Variants in ANAPC5 observed in about 807,000 individuals in gnomAD.
The protein encoded by ANAPC5 is anaphase-promoting complex subunit 5.
ANAPC5 carries 60 observed loss-of-function variants against 91.3 expected under a neutral mutation model. That is an observed-to-expected ratio of 0.66 (90% CI 0.53 to 0.81). The LOEUF is 0.81. Ranked by LOEUF, ANAPC5 falls within the 40% of genes least tolerant of loss-of-function variation. The probability of loss-of-function intolerance (pLI) is 0.00; values close to 1 mark genes in which losing one functional copy is unlikely to be tolerated. For synonymous variants in ANAPC5, 340 were observed against 364.1 expected (o/e 0.93, Z 0.75); for missense variants, 690 against 931.5 (o/e 0.74, Z 3.37).
chr12:121,345,715 C>T, intron 4 of ANAPC5, 124 bp downstream of exon 4: 1 of 1,020,546 alleles, frequency 9.8e-7, no homozygotes, highest in Non-Finnish European at 1.5e-6. Flanking sequence ...CAGTTAACTT[C>T]CCAGATCTGG....
At chr12:121,324,844 C>T (rs771626968) in intron 11 of ANAPC5, among the ~76,000 whole-genome samples, 9 of 152,062 alleles carry the variant, frequency 5.9e-5, no homozygotes, top group Non-Finnish European at 8.8e-5. Context: ...ATTGTGCCAC[C>T]GCACTCCATC....
intron 5 of ANAPC5, 113 bp from the exon 6 acceptor site, chr12:121,337,505 T>A: frequency 1.3e-6 from 1 of 752,794 alleles, no homozygotes; most frequent in Non-Finnish European, 2.1e-6. Context: ...CCCTTCAGGC[T>A]CTGGCCCCTC....
Position 121,308,369 on chromosome 12 carries a change from T to C in ANAPC5, c.*111A>G, listed in dbSNP as rs1373210034. 1.1e-5 allele frequency: 9 copies of C among 804,380 alleles called. No individual in the cohort carries two copies. The highest frequency in any genetic ancestry group is 1.7e-5 in the African/African-American group (1 of 58,048). The allele number at this position is 804,380 out of a possible 1,614,324, so 49.8% of individuals were successfully genotyped here. On this transcript the variant is annotated 3_prime_UTR_variant, in exon 17 of 17. Coordinates refer to ENST00000261819, the MANE Select transcript of ANAPC5 (RefSeq NM_016237.5). ...AAATAAGACAAACTAATCAGAATGC[T>C]GTTTATTGACAAGATAGGGTGTCAC...
Position 121,309,539 on chromosome 12 carries a change from AT to A in ANAPC5, c.2056+161del, listed in dbSNP as rs564832955. ...TCCTCAATCTTTCTGCCAAGCATGC[AT>A]GTGAAAGCACTTTAAATGCTGCATG... On this transcript the variant is annotated intron_variant, in intron 16 of 16. Transcript: ENST00000261819. Among the ~76,000 whole-genome samples, 81 of 152,334 alleles carry A rather than the reference AT, an allele frequency of 5.3e-4. 1 individual carries two copies. The South Asian group carries it at 5.4e-3, about 10-fold the overall frequency.
chr12:121,332,550 T>G (rs368193512), intron 7 of ANAPC5: 2 of 149,892 alleles, frequency 1.3e-5, no homozygotes, highest in Admixed American at 6.9e-5. Flanking sequence ...TTATTCCCTA[T>G]TTCCCCTGAT....
In ANAPC5 at chr12:121,327,099, C is replaced by G. The variant is rs1555272338; in HGVS notation, c.1437G>C (p.Glu479Asp). 1.1e-5 allele frequency: 18 copies of G among 1,598,210 alleles called. No homozygotes were observed. The highest frequency in any genetic ancestry group is 2.7e-5 in the African/African-American group (2 of 74,548). ...GTGGGCCCGGCCACCTGCCTACCTGCTCCGCGTGTAGCTCTGCGAGGTGGC... is the reference window on the plus strand; with the variant it reads ...GTGGGCCCGGCCACCTGCCTACCTGGTCCGCGTGTAGCTCTGCGAGGTGGC... ...ALCHLAELHAEQGCFAAASEV... is the reference protein window; with the variant it reads ...ALCHLAELHADQGCFAAASEV... Residue 479 changes from glutamate (E) to aspartate (D), a missense_variant, in exon 11 of 17, where the codon GAG (glutamate) becomes GAC (aspartate). By Grantham distance (45) the Glu-to-Asp change is conservative. Transcript: ENST00000261819.
chr12:121,331,117 T>C, intron 8 of ANAPC5: 1 of 463,540 alleles, frequency 2.2e-6, no homozygotes, highest in Non-Finnish European at 3.9e-6. Flanking sequence ...CATGGCAAGT[T>C]GCATTAAACT....
chr12:121,321,325 A>G (rs1019512535), intron 11 of ANAPC5, among the ~76,000 whole-genome samples: 1 of 151,496 alleles, frequency 6.6e-6, no homozygotes, highest in Non-Finnish European at 1.5e-5. Context: ...ATACATGTAA[A>G]CAAGAACAAA....
intron 4 of ANAPC5, among the ~76,000 whole-genome samples, chr12:121,344,140 T>C (rs1344978033): frequency 1.3e-5 from 2 of 151,972 alleles, no homozygotes; most frequent in East Asian, 3.8e-4. Flanking sequence ...GGCACTCTAC[T>C]AAACACTGGG....
intron 7 of ANAPC5, chr12:121,334,932 T>C (rs1335353601): frequency 2.0e-5 from 3 of 152,212 alleles, no homozygotes; most frequent in Non-Finnish European, 4.4e-5. Context: ...ACGGCAATGT[T>C]ACATAGTGAC....
chr12:121,341,472 G>A (rs1478766101), intron 5 of ANAPC5, among the ~76,000 whole-genome samples: 1 of 152,104 alleles, frequency 6.6e-6, no homozygotes, highest in Non-Finnish European at 1.5e-5. Context: ...GGGCAACAGA[G>A]TAAGACTCTG....
chr12:121,324,388 T>C (rs1902730216), intron 11 of ANAPC5, among the ~76,000 whole-genome samples: 1 of 151,880 alleles, frequency 6.6e-6, no homozygotes, highest in Non-Finnish European at 1.5e-5. Context: ...CTTCTAGTTG[T>C]GTACTAAAAG....
At chr12:121,354,093 A>G (rs1399471255), upstream of ANAPC5, among the ~76,000 whole-genome samples, 8 of 150,736 alleles carry the variant, frequency 5.3e-5, no homozygotes, top group African/African-American at 1.7e-4. Flanking sequence ...GGTTCAAGCA[A>G]TTCTCCTGCC....
chr12:121,338,132 G>GGGAGGC (rs1555273717), intron 5 of ANAPC5, among the ~76,000 whole-genome samples: 1 of 152,088 alleles, frequency 6.6e-6, no homozygotes, highest in African/African-American at 2.4e-5. Context: ...CCAGCACTTT[G>GGGAGGC]GGAGGCAGAG....
At chr12:121,344,714 G>C (rs1286352551) in intron 4 of ANAPC5, among the ~76,000 whole-genome samples, 2 of 152,186 alleles carry the variant, frequency 1.3e-5, no homozygotes, top group Non-Finnish European at 1.5e-5. Context: ...AAAAGCCAGG[G>C]AAGAGCATTC....
chr12:121,352,228 A>G lies in ANAPC5; in HGVS notation c.113T>C (p.Leu38Pro). ...GCGGCTCATCTCGTTCAGCAGCACC[A>G]GCACCGCGATCTTGTACGGCGTCAC... The part of the protein sequence containing the change: ...DWVTPYKIAV[L>P]VLLNEMSRTG... Residue 38 changes from leucine (L) to proline (P), a missense_variant, in exon 1 of 17, where the codon CTG (leucine) becomes CCG (proline). Physicochemically the swap from Leu to Pro is moderately conservative, Grantham distance 98. Around this residue, in one of 5 missense-constraint regions of ANAPC5, gnomAD observed 238 missense variants for 264.9 expected, o/e 0.90. Coordinates refer to ENST00000261819, the MANE Select transcript of ANAPC5 (RefSeq NM_016237.5). The G allele has an allele frequency of 6.2e-7, 1 of 1,614,184 alleles. No individual in the cohort carries two copies. The highest frequency in any genetic ancestry group is 8.5e-7 in the Non-Finnish European group (1 of 1,180,010).
chr12:121,344,349 C>T (rs960695728), intron 4 of ANAPC5, among the ~76,000 whole-genome samples: 5 of 152,058 alleles, frequency 3.3e-5, no homozygotes, highest in East Asian at 1.9e-4. Context: ...GAGGCCAAGG[C>T]GGGTGGATCA....
intron 7 of ANAPC5, chr12:121,335,145 C>T (rs1903180679): frequency 6.5e-6 from 1 of 153,526 alleles, no homozygotes; most frequent in Admixed American, 6.5e-5. Context: ...TCTTTTCTCC[C>T]AAAATAGCAA....
rs1555273590 is a variant in ANAPC5 at position 121,337,272 on chromosome 12, A to G, written c.759+19T>C. ...GTCATTCCTTTCCAACACAGCAACA[A>G]ATTCTGGGAAAGACTTACCGCTTCA... On this transcript the variant is annotated intron_variant, in intron 6 of 16. Transcript: ENST00000261819. The G allele has an allele frequency of 1.9e-6, 3 of 1,597,160 alleles. No individual in the cohort carries two copies. Among genetic ancestry groups the G allele is most frequent in the Non-Finnish European group, 2.6e-6 (3 of 1,166,678 alleles).
Sources: gnomAD v4.1 joint callset for allele counts (sites outside exome capture counted in the v4.1 genomes callset) on GRCh38, gnomAD v4.1.1 for gene constraint, gnomAD v4.1.1 regional missense constraint, MANE v1.5 for transcripts, NCBI Gene and HGNC (gene_info 2026-07-23, HGNC 2026-07-21) for gene names.